The following PLEKHG4B variants were observed in gnomAD, a reference collection of about 807,000 sequenced individuals.
The protein encoded by PLEKHG4B is pleckstrin homology domain-containing family G member 4B.
PLEKHG4B carries 111 observed loss-of-function variants against 121.3 expected under a neutral mutation model. The ratio of observed to expected loss-of-function variants is 0.92; its 90% CI spans 0.78 to 1.07. The LOEUF is 1.07. PLEKHG4B is among the 50% of genes least tolerant of loss of function. The pLI is 0.00. For synonymous variants in PLEKHG4B, 738 were observed against 725.0 expected (o/e 1.02, Z -0.29); for missense variants, 1,831 against 1,757.8 (o/e 1.04, Z -0.74).
chr5:109,773 C>T (rs1734083044), intron 1 of PLEKHG4B, among the ~76,000 whole-genome samples: 1 of 152,260 alleles, frequency 6.6e-6, no homozygotes, highest in African/African-American at 2.4e-5. Context: ...TCTACCGCCA[C>T]CGCCCCATTG....
At chr5:174,416 T>TCCAGGGG (rs1189689362) in intron 18 of PLEKHG4B, among the ~76,000 whole-genome samples, 2 of 93,782 alleles carry the variant, frequency 2.1e-5, no homozygotes, top group Admixed American at 1.3e-4. Flanking sequence ...GGAGACTGAG[T>TCCAGGGG]CCAGGGGCCG....
In PLEKHG4B at chr5:156,683, A is replaced by G; in HGVS notation, c.2349-90A>G. On this transcript the variant is annotated intron_variant, in intron 10 of 19. Transcript: ENST00000637938. The surrounding 1 kb of genome is among the most constrained non-coding windows in gnomAD (Gnocchi z 4.4). ...GTTGCCTTGTGGCATGAGGGAATGG[A>G]AAGAGCAGGGTTTTTATATGGGGTT... 2.7e-6 allele frequency: 4 copies of G among 1,456,518 alleles called. No homozygotes were observed. Among genetic ancestry groups the G allele is most frequent in the South Asian group, 1.4e-5 (1 of 70,724 alleles). 90.2% of individuals were successfully genotyped at this position (1,456,518 alleles called of 1,614,324 possible).
chr5:182,420 C>A lies in PLEKHG4B; in HGVS notation c.*97C>A. ...ACTCTGGGGGTGGCGGTGCCCATCG[C>A]GTGGCTGGAACGATCCAGAGGGAAT... On this transcript the variant is annotated 3_prime_UTR_variant, in exon 20 of 20. Transcript: ENST00000637938. 1.5e-6 allele frequency: 2 copies of A among 1,299,824 alleles called. No individual in the cohort carries two copies. The highest frequency in any genetic ancestry group is 2.1e-6 in the Non-Finnish European group (2 of 954,638). 80.5% of individuals were successfully genotyped at this position (1,299,824 alleles called of 1,614,324 possible). A position where few individuals can be genotyped will look rare whatever the true frequency, so the allele number is the denominator to read the frequency against.
intron 2 of PLEKHG4B, among the ~76,000 whole-genome samples, chr5:127,713 G>GTGGAATCACTAATGGA (rs1361649666): frequency 6.6e-6 from 1 of 152,052 alleles, no homozygotes; most frequent in African/African-American, 2.4e-5. Flanking sequence ...ACAGTGATTA[G>GTGGAATCACTAATGGA]AGCACTGTTA....
chr5:143,498 C>T lies in PLEKHG4B; in HGVS notation c.1806C>T (p.Ile602=), dbSNP rs778596821. ...LTRLLLYFHS[I]PRKEVRDLGL... ...GCCTGCTGCTGTACTTCCATAGCAT[C>T]CCCAGGTGGGACGGGGGGCAAGGCC... The change falls in exon 5 of 20, where the codon ATC becomes ATT. Residue 602 remains isoleucine (I), a synonymous_variant. Transcript: ENST00000637938. 1 of 1,612,764 alleles carries T rather than the reference C, an allele frequency of 6.2e-7. No individual in the cohort carries two copies. Among genetic ancestry groups the T allele is most frequent in the Admixed American group, 1.7e-5 (1 of 60,018 alleles).
Position 155,426 on chromosome 5 carries a change from A to AC in PLEKHG4B, c.2195dup (p.Arg733LysfsTer11). On this transcript the variant is annotated frameshift_variant, in exon 9 of 20. Transcript: ENST00000637938. LOFTEE classifies it high-confidence loss of function. ...ATTCTGCTCCCTGAACACCCACAGA[A>AC]CCCCAAGAACAGCCCAGGTGAGTCC... 6.2e-7 allele frequency: 1 copy of AC among 1,614,010 alleles called. No individual in the cohort carries two copies. The highest frequency in any genetic ancestry group is 8.5e-7 in the Non-Finnish European group (1 of 1,179,900).
At chr5:169,780 C>T (rs1736481757) in intron 14 of PLEKHG4B, among the ~76,000 whole-genome samples, 188 bp downstream of exon 14, 1 of 152,258 alleles carries the variant, frequency 6.6e-6, no homozygotes. Context: ...CTGTGGGTCT[C>T]CAGTGCTCGG....
chr5:141,870 G>C (rs1560923826), intron 3 of PLEKHG4B, among the ~76,000 whole-genome samples: 1 of 152,074 alleles, frequency 6.6e-6, no homozygotes, highest in African/African-American at 2.4e-5. Flanking sequence ...CCTTTCCGTG[G>C]GCTCCCCCCG....
At chr5:110,721 G>A (rs1399232004) in intron 1 of PLEKHG4B, among the ~76,000 whole-genome samples, 1 of 150,790 alleles carries the variant, frequency 6.6e-6, no homozygotes, top group Non-Finnish European at 1.5e-5. Flanking sequence ...TGCAACACGT[G>A]TGCACACACC....
At chr5:98,764 C>T (rs138405902) in intron 1 of PLEKHG4B, among the ~76,000 whole-genome samples, 5,210 of 148,228 alleles carry the variant, frequency 0.035, 145 homozygotes, top group African/African-American at 0.055. Flanking sequence ...TGAGCCACCC[C>T]GCCCGGCCGA....
rs766173653 is a variant in PLEKHG4B at position 163,559 on chromosome 5, C to T, written c.3476+11C>T. On this transcript the variant is annotated intron_variant, in intron 13 of 19. Transcript: ENST00000637938. ...GCAGCAGGTGGGCAGGTGAGGTGGACGTCCCCCTCCTCTCGTCCTAGCAGT... is the reference window on the plus strand; with the variant it reads ...GCAGCAGGTGGGCAGGTGAGGTGGATGTCCCCCTCCTCTCGTCCTAGCAGT... 1.5e-5 allele frequency: 24 copies of T among 1,559,160 alleles called. No homozygotes were observed. Among genetic ancestry groups the T allele is most frequent in the South Asian group, 1.1e-4 (9 of 84,902 alleles).
chr5:164,817 C>T (rs1171447538), intron 13 of PLEKHG4B, among the ~76,000 whole-genome samples: 3 of 128,696 alleles, frequency 2.3e-5, no homozygotes, highest in Non-Finnish European at 3.3e-5. Context: ...CACACTAATG[C>T]TGTGACGGAG....
At position 162,869 on chromosome 5, in the gene PLEKHG4B, C is replaced by CTG. The variant is rs1269349925; in HGVS notation, c.2798_2799dup (p.Gly934TrpfsTer52). 6.6e-7 allele frequency: 1 copy of CTG among 1,519,722 alleles called. No individual in the cohort carries two copies. The highest frequency in any genetic ancestry group is 1.3e-5 in the South Asian group (1 of 76,836). 94.1% of individuals were successfully genotyped at this position (1,519,722 alleles called of 1,614,324 possible). On this transcript the variant is annotated frameshift_variant, in exon 13 of 20. Coordinates refer to ENST00000637938, the MANE Select transcript of PLEKHG4B (RefSeq NM_052909.5). LOFTEE classifies it high-confidence loss of function. The stretch of plus-strand genomic sequence containing the variant: ...TGTGGCAGTGCTGAAGCCTCATGCC[C>CTG]TGGGGAAACCGTGGGCATCACAGCA...
intron 2 of PLEKHG4B, among the ~76,000 whole-genome samples, chr5:131,118 C>CTTTTTTTTTTTTTTTT (rs370839530): frequency 6.8e-6 from 1 of 148,072 alleles, no homozygotes; most frequent in African/African-American, 2.5e-5. Flanking sequence ...AAGCTGCTTC[C>CTTTTTTTTTTTTTTTT]TTTTTTTTTT....
chr5:181,373 C>T (rs1168793302), intron 18 of PLEKHG4B, 141 bp from the exon 19 acceptor site: 8 of 840,942 alleles, frequency 9.5e-6, no homozygotes, highest in Non-Finnish European at 1.4e-5. Context: ...CCCTGGCCCC[C>T]CATGCCCCTC....
Position 143,204 on chromosome 5 carries a change from G to A in PLEKHG4B, c.1635G>A (p.Gln545=), listed in dbSNP as rs760338912. The A allele has an allele frequency of 2.5e-6, 4 of 1,611,430 alleles. No individual in the cohort carries two copies. The highest frequency in any genetic ancestry group is 3.3e-5 in the Admixed American group (2 of 60,028). Residue 545 remains glutamine (Q), a synonymous_variant, in exon 4 of 20, where the codon CAG becomes CAA. Coordinates refer to ENST00000637938, the MANE Select transcript of PLEKHG4B (RefSeq NM_052909.5). Reference sequence around the variant, plus strand: ...ACTTCCCCAGCCAGGTGCCCAAGCAGGTGCTGGACGTCAGTCAGGAGCTGC... The same window carrying A: ...ACTTCCCCAGCCAGGTGCCCAAGCAAGTGCTGGACGTCAGTCAGGAGCTGC... ...TGDFPSQVPK[Q]VLDVSQELLQ...
rs749423707 is a variant in PLEKHG4B, at chr5:182,051, G to T, written c.4612G>T (p.Ala1538Ser). The change falls in exon 20 of 20, where the codon GCC becomes TCC. Residue 1538 changes from alanine (A) to serine (S), a missense_variant. Transcript: ENST00000637938. The stretch of plus-strand genomic sequence containing the variant: ...AGCGGTGTCCTCCTCTGACCACGCC[G>T]CCCCCTTCAAGCGACCACACTCCAC... ...STAVSSSDHA[A>S]PFKRPHSTIS... 2.5e-6 allele frequency: 4 copies of T among 1,613,914 alleles called. No individual in the cohort carries two copies. The highest frequency in any genetic ancestry group is 3.4e-6 in the Non-Finnish European group (4 of 1,180,010).
chr5:103,020 C>T (rs1190473897), intron 1 of PLEKHG4B, among the ~76,000 whole-genome samples: 1 of 152,154 alleles, frequency 6.6e-6, no homozygotes, highest in African/African-American at 2.4e-5. Flanking sequence ...AGTTTGCACC[C>T]CTCCATTGCA....
At chr5:103,320 T>A (rs1227830834) in intron 1 of PLEKHG4B, among the ~76,000 whole-genome samples, 1 of 152,166 alleles carries the variant, frequency 6.6e-6, no homozygotes, top group Non-Finnish European at 1.5e-5. Context: ...TGACACAGTT[T>A]TCAGGGCTCA....
Sources: allele counts gnomAD v4.1 joint callset (sites outside exome capture counted in the v4.1 genomes callset), GRCh38; gene constraint gnomAD v4.1.1; non-coding constraint Gnocchi (gnomAD v3.1); transcripts MANE v1.5; gene names NCBI Gene and HGNC (gene_info 2026-07-23, HGNC 2026-07-21).